The following SH3PXD2A variants were observed in gnomAD, a reference collection of about 807,000 sequenced individuals.
SH3PXD2A encodes the protein SH3 and PX domain-containing protein 2A.
A neutral mutation model predicts 115.2 loss-of-function variants in SH3PXD2A; 32 were observed. That is an observed-to-expected ratio of 0.28 (90% CI 0.21 to 0.37). The LOEUF is 0.37. SH3PXD2A is among the 10% of genes least tolerant of loss of function. SH3PXD2A has a pLI of 1.00. For synonymous variants in SH3PXD2A, 610 were observed against 629.1 expected, an observed-to-expected ratio of 0.97 and a Z score of 0.45; for missense variants, 1,328 against 1,498.7, an observed-to-expected ratio of 0.89 and a Z score of 1.88.
At chr10:103,735,645 C>T in intron 4 of SH3PXD2A, 87 bp downstream of exon 4, 1 of 1,068,468 alleles carries the variant, frequency 9.4e-7, no homozygotes, top group Non-Finnish European at 1.4e-6. Flanking sequence ...GCAACCTTTC[C>T]TCACAGATGG....
chr10:103,734,861 G>C (rs537622334), intron 4 of SH3PXD2A, among the ~76,000 whole-genome samples: 1 of 152,244 alleles, frequency 6.6e-6, no homozygotes, highest in Non-Finnish European at 1.5e-5. Context: ...AGCATCTGCT[G>C]AATGCTTCTT....
Position 103,756,244 on chromosome 10 carries a change from G to A in SH3PXD2A, c.229+10850C>T, listed in dbSNP as rs1489994311. Among the ~76,000 whole-genome samples the A allele has an allele frequency of 6.6e-6, 1 of 152,180 alleles. No individual in the cohort carries two copies. The highest frequency in any genetic ancestry group is 1.5e-5 in the Non-Finnish European group (1 of 68,034). ...CATCAGTTCACACAGGTGATGCCTA[G>A]AGCCAGCTCAGTCCCTGCCAGAGAA... On this transcript the variant is annotated intron_variant, in intron 3 of 14. Transcript: ENST00000369774. The surrounding 1 kb of genome is among the most constrained non-coding windows in gnomAD (Gnocchi z 4.4).
intron 1 of SH3PXD2A, among the ~76,000 whole-genome samples, chr10:103,821,820 G>A (rs538382299): frequency 6.6e-6 from 1 of 152,196 alleles, no homozygotes; most frequent in East Asian, 1.9e-4. Flanking sequence ...TCTTGCCTCG[G>A]CCTCCCAAAG....
chr10:103,666,916 C>T lies in SH3PXD2A; in HGVS notation c.472+1692G>A, dbSNP rs1205612784. Among the ~76,000 whole-genome samples, 1 of 152,170 alleles carries T rather than the reference C, an allele frequency of 6.6e-6. No individual in the cohort carries two copies. Among genetic ancestry groups the T allele is most frequent in the African/African-American group, 2.4e-5 (1 of 41,430 alleles). ...GGAAGGGAGGCCGGGGGCTGTGTCC[C>T]TGCAACATGCCCCTCCCAGACCCTA... On this transcript the variant is annotated intron_variant, in intron 7 of 14. Transcript: ENST00000369774. The surrounding 1 kb of genome is among the most constrained non-coding windows in gnomAD (Gnocchi z 4.5).
At chr10:103,721,661 G>A (rs559196701) in intron 5 of SH3PXD2A, among the ~76,000 whole-genome samples, 1 of 152,286 alleles carries the variant, frequency 6.6e-6, no homozygotes, top group African/African-American at 2.4e-5. Context: ...ACGTAGGGAG[G>A]AGCATCTCCT....
intron 1 of SH3PXD2A, among the ~76,000 whole-genome samples, chr10:103,824,096 G>A (rs74157355): frequency 5.5e-4 from 83 of 152,272 alleles, no homozygotes; most frequent in African/African-American, 1.9e-3. Context: ...GAATGTGCCT[G>A]ACCTGGCACT....
At chr10:103,697,594 G>A (rs1397321184) in intron 5 of SH3PXD2A, among the ~76,000 whole-genome samples, 3 of 152,182 alleles carry the variant, frequency 2.0e-5, no homozygotes, top group Non-Finnish European at 2.9e-5. Context: ...ATGGACGCAC[G>A]CCTCTGGACC....
At chr10:103,769,134 C>CTGTGTGTGTGTGTG (rs67426639) in intron 2 of SH3PXD2A, among the ~76,000 whole-genome samples, 2 of 141,916 alleles carry the variant, frequency 1.4e-5, no homozygotes, top group Non-Finnish European at 3.0e-5. Context: ...AGGCTAGACT[C>CTGTGTGTGTGTGTG]TGTGTGTGTG....
rs1210721965 is a variant in SH3PXD2A, at chr10:103,598,555, G to A, written c.*3261C>T. The stretch of plus-strand genomic sequence containing the variant: ...AAGTTGCAGTATACAGCAATACAGT[G>A]TCGTTTCACATTTTCAGTCGCAACT... On this transcript the variant is annotated 3_prime_UTR_variant, in exon 15 of 15. Coordinates refer to ENST00000369774, the MANE Select transcript of SH3PXD2A (RefSeq NM_001394015.1). 1.3e-5 allele frequency: 2 copies of A among 152,686 alleles called. No homozygotes were observed. Among genetic ancestry groups the A allele is most frequent in the East Asian group, 1.9e-4 (1 of 5,198 alleles). The allele number at this position is 152,686 out of a possible 1,614,324, so 9.5% of individuals were successfully genotyped here.
In SH3PXD2A at chr10:103,627,807, T is replaced by C. The variant is rs2036720760; in HGVS notation, c.605-605A>G. 6.6e-6 allele frequency among the ~76,000 whole-genome samples: 1 copy of C among 152,230 alleles called. No homozygotes were observed. The highest frequency in any genetic ancestry group is 2.1e-4 in the South Asian group (1 of 4,834). On this transcript the variant is annotated intron_variant, in intron 8 of 14. Coordinates refer to ENST00000369774, the MANE Select transcript of SH3PXD2A (RefSeq NM_001394015.1). The surrounding 1 kb of genome is among the most constrained non-coding windows in gnomAD (Gnocchi z 4.4). The stretch of plus-strand genomic sequence containing the variant: ...ACGTGATAAAGCCTCATTCATCTTA[T>C]TTGTTCATTCATGCAAAGTCCTCTG...
chr10:103,815,226 A>T (rs2039312416), intron 1 of SH3PXD2A, among the ~76,000 whole-genome samples: 1 of 152,166 alleles, frequency 6.6e-6, no homozygotes, highest in Non-Finnish European at 1.5e-5. Flanking sequence ...AAAATAAAAA[A>T]CTTTTGTGTT....
chr10:103,739,627 G>A (rs1032383630), intron 3 of SH3PXD2A, among the ~76,000 whole-genome samples: 1 of 152,204 alleles, frequency 6.6e-6, no homozygotes, highest in Non-Finnish European at 1.5e-5. Flanking sequence ...GGCATTAAAG[G>A]CCTCTTGTAA....
At chr10:103,623,000 CTG>C (rs949670110) in intron 9 of SH3PXD2A, among the ~76,000 whole-genome samples, 3 of 152,334 alleles carry the variant, frequency 2.0e-5, no homozygotes, top group African/African-American at 7.2e-5. Context: ...TGAGTACTGA[CTG>C]TGAACGTGCT....
chr10:103,715,415 G>GC (rs1195169744), intron 5 of SH3PXD2A, among the ~76,000 whole-genome samples: 1 of 152,202 alleles, frequency 6.6e-6, no homozygotes, highest in Non-Finnish European at 1.5e-5. Context: ...AGCCTACGCG[G>GC]TCCCTGGCAT....
chr10:103,837,961 AC>A (rs1028608969), intron 1 of SH3PXD2A, among the ~76,000 whole-genome samples: 1 of 152,172 alleles, frequency 6.6e-6, no homozygotes, highest in Non-Finnish European at 1.5e-5. Flanking sequence ...TTGAACAGCC[AC>A]CGTGAAGGAA....
chr10:103,695,722 T>C (rs1241821271), intron 5 of SH3PXD2A, among the ~76,000 whole-genome samples: 1 of 152,152 alleles, frequency 6.6e-6, no homozygotes, highest in East Asian at 1.9e-4. Context: ...GCTGCTCCAG[T>C]GTTGCATAAT....
At chr10:103,638,983 G>A (rs889363908) in intron 8 of SH3PXD2A, among the ~76,000 whole-genome samples, 7 of 152,218 alleles carry the variant, frequency 4.6e-5, no homozygotes, top group African/African-American at 1.7e-4. Context: ...TGGCACGGGT[G>A]GGGGTCGGAG....
rs189192998 is a variant in SH3PXD2A, at chr10:103,792,267, A to C, written c.153+9015T>G. Among the ~76,000 whole-genome samples, 129 of 152,382 alleles carry C rather than the reference A, an allele frequency of 8.5e-4. 1 individual carries two copies. Among genetic ancestry groups the C allele is most frequent in the African/African-American group, 2.9e-3 (119 of 41,598 alleles). On this transcript the variant is annotated intron_variant, in intron 2 of 14. Coordinates refer to ENST00000369774, the MANE Select transcript of SH3PXD2A (RefSeq NM_001394015.1). The stretch of plus-strand genomic sequence containing the variant: ...ATTGTTGGAAGGGAAATAGGTTTGT[A>C]GTTAAACTTTGAAGGTGAAAATCAT...
At chr10:103,833,280 G>T (rs1214289329) in intron 1 of SH3PXD2A, among the ~76,000 whole-genome samples, 1 of 152,130 alleles carries the variant, frequency 6.6e-6, no homozygotes, top group East Asian at 1.9e-4. Context: ...TAGGTATGAG[G>T]GATCCACAAT....
Sources: allele counts gnomAD v4.1 joint callset (sites outside exome capture counted in the v4.1 genomes callset), GRCh38; gene constraint gnomAD v4.1.1; non-coding constraint Gnocchi (gnomAD v3.1); transcripts MANE v1.5; gene names NCBI Gene and HGNC (gene_info 2026-07-23, HGNC 2026-07-21).